ANO4: variants seen among roughly 807,000 people sequenced by gnomAD.
ANO4 encodes anoctamin 4.
A neutral mutation model predicts 141.9 loss-of-function variants in ANO4; 69 were observed. The observed-to-expected ratio is 0.49, with a 90% confidence interval of 0.40 to 0.59. ANO4 has a LOEUF of 0.59. Among genes scored for constraint, ANO4 ranks in the 20% least tolerant of loss-of-function variants. The pLI is 0.00. For synonymous variants in ANO4, 350 were observed against 394.3 expected (o/e 0.89, Z 1.33); for missense variants, 894 against 1,162.2 (o/e 0.77, Z 3.36).
At chr12:100,869,398 CA>C (rs150018324) in intron 1 of ANO4, among the ~76,000 whole-genome samples, 1,773 of 152,310 alleles carry the variant, frequency 0.012, 16 homozygotes, top group Middle Eastern at 0.034. Context: ...GAATGACCAG[CA>C]GGTTATTATG....
At position 100,878,482 on chromosome 12, in the gene ANO4, CAT is replaced by C. The variant is rs557949703; in HGVS notation, c.-140-23163_-140-23162del. Among the ~76,000 whole-genome samples the C allele has an allele frequency of 2.1e-3, 319 of 152,302 alleles. 1 individual carries two copies. The highest frequency in any genetic ancestry group is 3.2e-3 in the Non-Finnish European group (219 of 68,022). ...TGAGATACTAAATGAGGGCCCCACTCATGTGTAAATATCCAATGATGTTAATA... is the reference window on the plus strand; with the variant it reads ...TGAGATACTAAATGAGGGCCCCACTCGTGTAAATATCCAATGATGTTAATA... On this transcript the variant is annotated intron_variant, in intron 1 of 27. Coordinates refer to ENST00000392977, the MANE Select transcript of ANO4 (RefSeq NM_001286615.2).
At chr12:101,020,263 A>C in intron 9 of ANO4, 123 bp downstream of exon 9, 1 of 636,068 alleles carries the variant, frequency 1.6e-6, no homozygotes, top group Non-Finnish European at 2.7e-6. Context: ...CCCCTAACTA[A>C]TCCTTTGATG....
chr12:100,867,527 C>T (rs1410452453), intron 1 of ANO4, among the ~76,000 whole-genome samples: 1 of 152,030 alleles, frequency 6.6e-6, no homozygotes, highest in Admixed American at 6.6e-5. Context: ...TAAAGAAGGC[C>T]TGTAGAGGAC....
chr12:101,015,046 C>A (rs998317109), intron 8 of ANO4, among the ~76,000 whole-genome samples: 2 of 149,978 alleles, frequency 1.3e-5, no homozygotes, highest in Non-Finnish European at 3.0e-5. Context: ...TGGTCTTGAA[C>A]TTCTGGCTTC....
chr12:100,738,411 T>C (rs1313371867), intron 2 of ANO4, among the ~76,000 whole-genome samples: 1 of 152,204 alleles, frequency 6.6e-6, no homozygotes, highest in Non-Finnish European at 1.5e-5. Context: ...CTCGTTTATA[T>C]CAATAATGCA....
chr12:100,868,794 A>T (rs797013547), intron 1 of ANO4, among the ~76,000 whole-genome samples: 21 of 152,334 alleles, frequency 1.4e-4, no homozygotes, highest in African/African-American at 5.1e-4. Context: ...TCCAGCAGGG[A>T]TCAGCTCAGG....
chr12:100,770,096 A>G (rs951445175), intron 3 of ANO4, among the ~76,000 whole-genome samples: 4 of 152,364 alleles, frequency 2.6e-5, no homozygotes, highest in South Asian at 2.1e-4. Context: ...TGCGATAGCT[A>G]TGTAACACCG....
intron 2 of ANO4, among the ~76,000 whole-genome samples, chr12:100,909,260 G>T (rs771003639): frequency 9.9e-5 from 15 of 152,078 alleles, no homozygotes; most frequent in Non-Finnish European, 2.1e-4. Context: ...GCATCATTTG[G>T]CTCACGTTTT....
At chr12:101,033,650 TTAAAC>T (rs1312924796) in intron 9 of ANO4, among the ~76,000 whole-genome samples, 1 of 152,094 alleles carries the variant, frequency 6.6e-6, no homozygotes, top group Non-Finnish European at 1.5e-5. Flanking sequence ...TGAGTTCTAA[TTAAAC>T]TAAAGAGCTT....
chr12:101,048,535 G>A, intron 14 of ANO4, 134 bp downstream of exon 14: 1 of 737,756 alleles, frequency 1.4e-6, no homozygotes. Flanking sequence ...GTAGAAAGTT[G>A]GTAAATAATT....
chr12:100,975,031 G>A, intron 7 of ANO4, 142 bp downstream of exon 7: 1 of 954,970 alleles, frequency 1.0e-6, no homozygotes, highest in East Asian at 2.5e-5. Flanking sequence ...AAAATCAGCT[G>A]TGTCTGATTA....
At chr12:100,766,766 T>C (rs767073061) in intron 3 of ANO4, among the ~76,000 whole-genome samples, 12 of 152,190 alleles carry the variant, frequency 7.9e-5, no homozygotes, top group Admixed American at 2.6e-4. Flanking sequence ...TCTTTTCTTA[T>C]TGATTTTCTG....
At chr12:101,088,875 A>G (rs1182659857) in intron 17 of ANO4, among the ~76,000 whole-genome samples, 2 of 149,872 alleles carry the variant, frequency 1.3e-5, no homozygotes. Context: ...GTAACAGAGC[A>G]AGGACCTGTA....
At chr12:100,819,315 A>G (rs2035908596) in intron 1 of ANO4, among the ~76,000 whole-genome samples, 2 of 151,936 alleles carry the variant, frequency 1.3e-5, no homozygotes, top group African/African-American at 4.8e-5. Context: ...GTAAAGGGAC[A>G]GTTTACCAAT....
At chr12:100,949,828 G>A (rs898926784) in intron 5 of ANO4, among the ~76,000 whole-genome samples, 2 of 152,100 alleles carry the variant, frequency 1.3e-5, no homozygotes, top group Admixed American at 6.6e-5. Flanking sequence ...ATTCATCTGG[G>A]TATAAAGTTA....
At chr12:101,044,785 A>G (rs899322142) in intron 13 of ANO4, among the ~76,000 whole-genome samples, 3 of 152,230 alleles carry the variant, frequency 2.0e-5, no homozygotes, top group Non-Finnish European at 4.4e-5. Context: ...GGACAAAAAA[A>G]GCACAAAATG....
At chr12:100,803,887 G>A (rs1402390199) in intron 1 of ANO4, among the ~76,000 whole-genome samples, 1 of 151,942 alleles carries the variant, frequency 6.6e-6, no homozygotes. Flanking sequence ...TCTCTCTGGT[G>A]TTAGTGGTTT....
chr12:100,730,071 G>A (rs1443255902), intron 1 of ANO4, among the ~76,000 whole-genome samples: 1 of 151,412 alleles, frequency 6.6e-6, no homozygotes, highest in Non-Finnish European at 1.5e-5. Context: ...ACATTTTTTG[G>A]TGCCATTGAC....
chr12:100,863,896 C>A (rs2038614123), intron 1 of ANO4, among the ~76,000 whole-genome samples: 4 of 152,184 alleles, frequency 2.6e-5, no homozygotes, highest in Admixed American at 2.6e-4. Flanking sequence ...CTTGATATAT[C>A]ACTGATGGTA....
Sources: gnomAD v4.1 joint callset for allele counts (sites outside exome capture counted in the v4.1 genomes callset) on GRCh38, gnomAD v4.1.1 for gene constraint, MANE v1.5 for transcripts, NCBI Gene and HGNC (gene_info 2026-07-23, HGNC 2026-07-21) for gene names.